The following TAOK3 variants were observed in gnomAD, a reference collection of about 807,000 sequenced individuals.
TAOK3 encodes TAO kinase 3.
TAOK3 carries 40 observed loss-of-function variants against 120.4 expected under a neutral mutation model. That is an observed-to-expected ratio of 0.33 (90% CI 0.26 to 0.43). The LOEUF is 0.43. Ranked by LOEUF, TAOK3 falls within the 20% of genes least tolerant of loss-of-function variation. TAOK3 has a pLI of 1.00. For missense variants in TAOK3, 821 were observed against 1,112.1 expected (o/e 0.74, Z 3.72); for synonymous variants, 355 against 387.5 (o/e 0.92, Z 0.99).
In TAOK3 at chr12:118,270,804, A is replaced by T. The variant is rs574142880; in HGVS notation, c.-193-4045T>A. On this transcript the variant is annotated intron_variant, in intron 1 of 20. Coordinates refer to ENST00000392533, the MANE Select transcript of TAOK3 (RefSeq NM_016281.4). Reference sequence around the variant, plus strand: ...ATTCTCCTGTCTCAGCCTCCCCAGTAGCTGGGACTACAGGCGCCCGCCACC... The same window carrying T: ...ATTCTCCTGTCTCAGCCTCCCCAGTTGCTGGGACTACAGGCGCCCGCCACC... Among the ~76,000 whole-genome samples the T allele has an allele frequency of 1.2e-3, 183 of 150,998 alleles. 1 individual carries two copies. Among genetic ancestry groups the T allele is most frequent in the African/African-American group, 3.9e-3 (161 of 41,108 alleles).
intron 9 of TAOK3, among the ~76,000 whole-genome samples, chr12:118,215,296 C>T (rs2038838807): frequency 7.2e-6 from 1 of 139,456 alleles, no homozygotes; most frequent in African/African-American, 2.6e-5. Flanking sequence ...GAGATCGAGA[C>T]CATCCTGGCT....
intron 1 of TAOK3, among the ~76,000 whole-genome samples, chr12:118,334,899 C>T (rs1348179926): frequency 6.7e-6 from 1 of 149,846 alleles, no homozygotes; most frequent in African/African-American, 2.4e-5. Context: ...AAAAAAAAGG[C>T]CGGGCTTAGT....
intron 11 of TAOK3, among the ~76,000 whole-genome samples, chr12:118,210,970 C>T (rs2038598638): frequency 6.6e-6 from 1 of 152,146 alleles, no homozygotes; most frequent in South Asian, 2.1e-4. Context: ...AACTGGTGAC[C>T]TCCTGATCCT....
intron 16 of TAOK3, among the ~76,000 whole-genome samples, chr12:118,175,220 G>C (rs1301823539): frequency 6.6e-6 from 1 of 152,096 alleles, no homozygotes; most frequent in African/African-American, 2.4e-5. Context: ...TGGCTTACCT[G>C]GGCAGGACAA....
At chr12:118,270,906 T>C (rs2041673368) in intron 1 of TAOK3, among the ~76,000 whole-genome samples, 1 of 151,966 alleles carries the variant, frequency 6.6e-6, no homozygotes. Context: ...CTCGATCTTC[T>C]GACCTCGTGA....
At chr12:118,285,573 G>A (rs61945223) in intron 1 of TAOK3, among the ~76,000 whole-genome samples, 14,353 of 151,694 alleles carry the variant, frequency 0.095, 858 homozygotes, top group Non-Finnish European at 0.13. Context: ...GGCTGGTCTC[G>A]AACTCCTGAC....
chr12:118,186,881 A>G (rs1013087188), intron 14 of TAOK3, among the ~76,000 whole-genome samples: 2 of 152,208 alleles, frequency 1.3e-5, no homozygotes, highest in Admixed American at 1.3e-4. Flanking sequence ...TAAGGTGCCA[A>G]AATAATAAAG....
Position 118,150,956 on chromosome 12 carries a change from CTTTT to C in TAOK3, c.*37_*40del, listed in dbSNP as rs201481032. ...CAGGGTCTGAATTTTTTTCTGTTTT[CTTTT>C]TTTTTTTTTTTTTTGTAAATGGCAA... On this transcript the variant is annotated 3_prime_UTR_variant, in exon 21 of 21. Coordinates refer to ENST00000392533, the MANE Select transcript of TAOK3 (RefSeq NM_016281.4). 9.0e-4 allele frequency: 1,117 copies of C among 1,244,394 alleles called. No individual in the cohort carries two copies. The highest frequency in any genetic ancestry group is 2.0e-3 in the Middle Eastern group (9 of 4,454). The allele number at this position is 1,244,394 out of a possible 1,614,324, so 77.1% of individuals were successfully genotyped here. A position where few individuals can be genotyped will look rare whatever the true frequency, so the allele number is the denominator to read the frequency against.
chr12:118,295,712 A>C (rs1239999254), intron 1 of TAOK3, among the ~76,000 whole-genome samples: 4 of 152,218 alleles, frequency 2.6e-5, no homozygotes, highest in Non-Finnish European at 5.9e-5. Context: ...CAAATTGTCA[A>C]AAATGTGAAT....
At chr12:118,168,656 T>G (rs1042735716) in intron 17 of TAOK3, among the ~76,000 whole-genome samples, 1 of 152,218 alleles carries the variant, frequency 6.6e-6, no homozygotes, top group African/African-American at 2.4e-5. Context: ...AAATCTAGAC[T>G]TTTAAGAAAA....
chr12:118,354,161 G>A (rs911452762), intron 1 of TAOK3, among the ~76,000 whole-genome samples: 2 of 152,114 alleles, frequency 1.3e-5, no homozygotes, highest in African/African-American at 4.8e-5. Context: ...TAGATAGTAT[G>A]GAACTCTATA....
chr12:118,300,660 T>C (rs2042846411), intron 1 of TAOK3, among the ~76,000 whole-genome samples: 1 of 152,204 alleles, frequency 6.6e-6, no homozygotes, highest in Non-Finnish European at 1.5e-5. Flanking sequence ...TTCCTGATTC[T>C]ATTGTTCTTT....
At chr12:118,227,196 C>T (rs932897845) in intron 9 of TAOK3, among the ~76,000 whole-genome samples, 5 of 149,958 alleles carry the variant, frequency 3.3e-5, no homozygotes, top group Admixed American at 6.7e-5. Context: ...ATGATGGTCT[C>T]AGTGTTATAA....
At chr12:118,175,084 G>A (rs2036238824) in intron 16 of TAOK3, among the ~76,000 whole-genome samples, 1 of 152,190 alleles carries the variant, frequency 6.6e-6, no homozygotes, top group Non-Finnish European at 1.5e-5. Flanking sequence ...TGGAAAGAAT[G>A]TGAACCTTCT....
At chr12:118,240,322 G>C (rs1437275212) in intron 5 of TAOK3, among the ~76,000 whole-genome samples, 1 of 151,758 alleles carries the variant, frequency 6.6e-6, no homozygotes, top group Non-Finnish European at 1.5e-5. Context: ...TGGGATTACA[G>C]GCATGCGCCA....
chr12:118,280,064 CTTTT>C (rs35109102), intron 1 of TAOK3, among the ~76,000 whole-genome samples: 3 of 133,926 alleles, frequency 2.2e-5, no homozygotes, highest in African/African-American at 2.8e-5. Flanking sequence ...CGCGCCCCAC[CTTTT>C]TTTTTTTTTT....
intron 1 of TAOK3, among the ~76,000 whole-genome samples, chr12:118,295,572 C>T (rs563006333): frequency 6.6e-6 from 1 of 152,194 alleles, no homozygotes; most frequent in East Asian, 1.9e-4. Flanking sequence ...TTTTCTCTCT[C>T]GATTATAAAC....
intron 7 of TAOK3, chr12:118,235,925 C>A: frequency 5.8e-6 from 2 of 345,616 alleles, no homozygotes; most frequent in African/African-American, 2.0e-5. Context: ...GGAGGGAATA[C>A]AAATGAGAAA....
intron 11 of TAOK3, among the ~76,000 whole-genome samples, chr12:118,205,801 G>T (rs1375392583): frequency 6.6e-6 from 1 of 151,950 alleles, no homozygotes. Context: ...AGTAGAGATG[G>T]GGTTTCACTA....
Sources: allele counts gnomAD v4.1 joint callset (sites outside exome capture counted in the v4.1 genomes callset), GRCh38; gene constraint gnomAD v4.1.1; transcripts MANE v1.5; gene names NCBI Gene and HGNC (gene_info 2026-07-23, HGNC 2026-07-21).